PDIA5: variants seen among roughly 807,000 people sequenced by gnomAD.
PDIA5 encodes protein disulfide isomerase family A member 5, also known as protein disulfide-isomerase A5.
PDIA5 carries 58 observed loss-of-function variants against 77.6 expected under a neutral mutation model. That is an observed-to-expected ratio of 0.75 (90% CI 0.61 to 0.93). The LOEUF (loss-of-function observed/expected upper bound fraction) is 0.93, where lower values mean the gene tolerates loss of function less well. Among genes scored for constraint, PDIA5 ranks in the 40% least tolerant of loss-of-function variants. PDIA5 has a pLI of 0.00. For synonymous variants in PDIA5, 250 were observed against 252.1 expected, an observed-to-expected ratio of 0.99 and a Z score of 0.08; for missense variants, 630 against 647.7, an observed-to-expected ratio of 0.97 and a Z score of 0.30.
Position 123,097,484 on chromosome 3 carries a change from T to C in PDIA5, c.258-4927T>C, listed in dbSNP as rs1934472492. On this transcript the variant is annotated intron_variant, in intron 3 of 16. Transcript: ENST00000316218. ...GCACGTACCAAGGGAAACAGCCAAC[T>C]CAGGGAGGAGCCCTGTTGTAGGGAA... Among the ~76,000 whole-genome samples, 4 of 152,326 alleles carry C rather than the reference T, an allele frequency of 2.6e-5. No homozygotes were observed. In the South Asian group the frequency reaches 8.3e-4, roughly 32 times the overall value.
intron 11 of PDIA5, among the ~76,000 whole-genome samples, chr3:123,134,832 C>T (rs1935458889): frequency 4.6e-5 from 7 of 152,200 alleles, no homozygotes; most frequent in Admixed American, 4.6e-4. Flanking sequence ...GGAGCTGGGC[C>T]GGGCCTCCTG....
At chr3:123,112,492 G>T (rs1384547905) in intron 7 of PDIA5, among the ~76,000 whole-genome samples, 6 of 146,220 alleles carry the variant, frequency 4.1e-5, no homozygotes, top group Admixed American at 2.0e-4. Context: ...ACTTGAGCCA[G>T]TAGCTTATTC....
In PDIA5 at chr3:123,130,495, G is replaced by A; in HGVS notation, c.789G>A (p.Gln263=). The A allele has an allele frequency of 6.2e-7, 1 of 1,613,886 alleles. No homozygotes were observed. Among genetic ancestry groups the A allele is most frequent in the South Asian group, 1.1e-5 (1 of 91,050 alleles). Residue 263 remains glutamine (Q), a synonymous_variant, in exon 11 of 17, where the codon CAG becomes CAA. Coordinates refer to ENST00000316218, the MANE Select transcript of PDIA5 (RefSeq NM_006810.4). ...VEWLKNPQPP[Q]PQVPETPWAD... The stretch of plus-strand genomic sequence containing the variant: ...GGTCTTCCAGTCCGCAGCCGCCACA[G>A]CCCCAGGTCCCTGAGACTCCCTGGG...
chr3:123,109,091 A>G (rs1365414969), intron 6 of PDIA5, among the ~76,000 whole-genome samples: 8 of 152,216 alleles, frequency 5.3e-5, no homozygotes, highest in Admixed American at 5.2e-4. Context: ...TTCTTCTGTA[A>G]CTGTAGGAAT....
At chr3:123,114,633 CT>C (rs1412481462) in intron 7 of PDIA5, among the ~76,000 whole-genome samples, 1 of 152,238 alleles carries the variant, frequency 6.6e-6, no homozygotes, top group African/African-American at 2.4e-5. Flanking sequence ...GCATTTCCCC[CT>C]GAGCGTTGTT....
rs73856803 is a variant in PDIA5 at position 123,102,630 on chromosome 3, T to C, written c.342-121T>C. On this transcript the variant is annotated intron_variant, in intron 4 of 16. Coordinates refer to ENST00000316218, the MANE Select transcript of PDIA5 (RefSeq NM_006810.4). ...CTTCCTGTGTTTACAATTATTTCTTTTAAAAAAAAATCCTGAACTCCGTTC... is the reference window on the plus strand; with the variant it reads ...CTTCCTGTGTTTACAATTATTTCTTCTAAAAAAAAATCCTGAACTCCGTTC... The C allele has an allele frequency of 1.1e-3, 1,121 of 1,045,858 alleles. 10 individuals carry two copies. The African/African-American group carries it at 0.016, about 15-fold the overall frequency. 64.8% of individuals were successfully genotyped at this position (1,045,858 alleles called of 1,614,324 possible). A position where few individuals can be genotyped will look rare whatever the true frequency, so the allele number is the denominator to read the frequency against.
chr3:123,143,560 C>T (rs1382120596), intron 11 of PDIA5, among the ~76,000 whole-genome samples: 1 of 152,048 alleles, frequency 6.6e-6, no homozygotes, highest in Non-Finnish European at 1.5e-5. Context: ...ATCATGTGTG[C>T]CACTCTATTC....
In PDIA5 at chr3:123,161,335, T is replaced by C; in HGVS notation, c.1359T>C (p.Ala453=). The change falls in exon 16 of 17, where the codon GCT becomes GCC. Residue 453 remains alanine, a synonymous_variant. Transcript: ENST00000316218. The part of the protein sequence containing the change: ...FKDDRKIACA[A]VDCVKDKNQD... The stretch of plus-strand genomic sequence containing the variant: ...TTGGCTCCTAGATTGCCTGTGCCGC[T>C]GTTGACTGTGTCAAAGACAAGAACC... 6.2e-7 allele frequency: 1 copy of C among 1,614,080 alleles called. No individual in the cohort carries two copies. The highest frequency in any genetic ancestry group is 8.5e-7 in the Non-Finnish European group (1 of 1,179,986).
intron 11 of PDIA5, among the ~76,000 whole-genome samples, chr3:123,135,131 C>T (rs1935468815): frequency 6.6e-6 from 1 of 152,186 alleles, no homozygotes; most frequent in Admixed American, 6.5e-5. Context: ...CTGCGGCGTT[C>T]CATATGAGAG....
chr3:123,115,034 T>C (rs909996032), intron 7 of PDIA5, among the ~76,000 whole-genome samples: 2 of 152,156 alleles, frequency 1.3e-5, no homozygotes, highest in Non-Finnish European at 2.9e-5. Flanking sequence ...AATGTTGGCC[T>C]TCTGGCTTCA....
At chr3:123,161,645 C>G in intron 16 of PDIA5, 190 bp downstream of exon 16, 1 of 668,278 alleles carries the variant, frequency 1.5e-6, no homozygotes, top group Non-Finnish European at 2.5e-6. Context: ...CAAGGGGTTG[C>G]CACAGATGTC....
intron 8 of PDIA5, among the ~76,000 whole-genome samples, chr3:123,118,437 C>G (rs919816988): frequency 1.1e-4 from 16 of 152,270 alleles, no homozygotes; most frequent in African/African-American, 3.9e-4. Flanking sequence ...AGCAGCTCAG[C>G]CCCAAATCAG....
At chr3:123,103,424 G>C (rs12492011) in intron 5 of PDIA5, among the ~76,000 whole-genome samples, 24,108 of 152,152 alleles carry the variant, frequency 0.16, 1,991 homozygotes, top group Non-Finnish European at 0.19. Context: ...CTGTTTTCTG[G>C]TCCTGCGCTG....
intron 11 of PDIA5, among the ~76,000 whole-genome samples, chr3:123,134,356 C>T (rs1935442257): frequency 2.0e-5 from 3 of 152,168 alleles, no homozygotes; most frequent in Admixed American, 6.5e-5. Flanking sequence ...TGACCTGTGC[C>T]ACCCCAGGGG....
intron 10 of PDIA5, among the ~76,000 whole-genome samples, chr3:123,126,598 G>A (rs976845452): frequency 3.9e-5 from 6 of 152,034 alleles, no homozygotes; most frequent in South Asian, 4.2e-4. Context: ...GGGTTTTCCC[G>A]GTCCCACATG....
intron 15 of PDIA5, among the ~76,000 whole-genome samples, chr3:123,156,246 G>A (rs1267372737): frequency 1.3e-5 from 2 of 152,152 alleles, no homozygotes; most frequent in African/African-American, 4.8e-5. Flanking sequence ...GGGATGAACT[G>A]GGAACCTGAT....
At chr3:123,161,823 A>C (rs1226831302) in intron 16 of PDIA5, 57 bp from the exon 17 acceptor site, 2 of 1,142,262 alleles carry the variant, frequency 1.8e-6, no homozygotes, top group African/African-American at 1.5e-5. Flanking sequence ...GAGAGAGTGC[A>C]CAGCCAGCTC....
chr3:123,133,229 C>G (rs112685727), intron 11 of PDIA5, among the ~76,000 whole-genome samples: 1 of 152,172 alleles, frequency 6.6e-6, no homozygotes, highest in Non-Finnish European at 1.5e-5. Flanking sequence ...TTTGAGGGAC[C>G]TGGAGTAAAG....
intron 2 of PDIA5, 92 bp from the exon 3 acceptor site, chr3:123,092,263 G>T (rs1056051555): frequency 2.0e-6 from 2 of 997,004 alleles, no homozygotes; most frequent in African/African-American, 1.6e-5. Context: ...TCTAGGATTG[G>T]TCTCCATCCT....
Sources: allele counts gnomAD v4.1 joint callset (sites outside exome capture counted in the v4.1 genomes callset), GRCh38; gene constraint gnomAD v4.1.1; transcripts MANE v1.5; gene names NCBI Gene and HGNC (gene_info 2026-07-23, HGNC 2026-07-21).